SAMD12: variants seen among roughly 807,000 people sequenced by gnomAD.
SAMD12 encodes sterile alpha motif domain containing 12, also known as sterile alpha motif domain-containing protein 12.
SAMD12 carries 9 observed loss-of-function variants against 15.0 expected under a neutral mutation model. That is an observed-to-expected ratio of 0.60 (90% CI 0.36 to 1.05). The LOEUF is 1.05. Ranked by LOEUF, SAMD12 falls within the 50% of genes least tolerant of loss-of-function variation. The pLI is 0.01. For missense variants in SAMD12, 230 were observed against 234.2 expected, an observed-to-expected ratio of 0.98 and a Z score of 0.12; for synonymous variants, 86 against 90.1, an observed-to-expected ratio of 0.96 and a Z score of 0.25.
chr8:118,228,227 G>A (rs1812226868), intron 4 of SAMD12, among the ~76,000 whole-genome samples: 1 of 152,144 alleles, frequency 6.6e-6, no homozygotes, highest in African/African-American at 2.4e-5. Flanking sequence ...CTTGGGCAAG[G>A]ATTTCATGAC....
At chr8:118,180,529 T>G in the SAMD12 span, among the ~76,000 whole-genome samples, 1 of 147,182 alleles carries the variant, frequency 6.8e-6, no homozygotes, top group African/African-American at 2.4e-5. Flanking sequence ...GAGTGTTTCA[T>G]GCCTTTCTCT....
At chr8:118,165,656 T>C in the SAMD12 span, among the ~76,000 whole-genome samples, 1 of 89,632 alleles carries the variant, frequency 1.1e-5, no homozygotes, top group South Asian at 3.2e-4. Context: ...ATATAAAACA[T>C]AACAGGTGAT....
chr8:118,325,641 A>G (rs1033509235), intron 4 of SAMD12, among the ~76,000 whole-genome samples: 4 of 152,174 alleles, frequency 2.6e-5, no homozygotes, highest in African/African-American at 9.7e-5. Context: ...ATTATTAACT[A>G]TAGTTATGAT....
intron 2 of SAMD12, among the ~76,000 whole-genome samples, chr8:118,503,515 C>G (rs1225315041): frequency 6.6e-6 from 1 of 152,198 alleles, no homozygotes; most frequent in Non-Finnish European, 1.5e-5. Context: ...CTCTAGAAAA[C>G]TTCAAATGAG....
intron 4 of SAMD12, among the ~76,000 whole-genome samples, chr8:118,327,335 G>C (rs1290268983): frequency 6.6e-6 from 1 of 152,126 alleles, no homozygotes; most frequent in Non-Finnish European, 1.5e-5. Context: ...GGGATGCTCT[G>C]ATCTCCTCTT....
rs546311800 is a variant in SAMD12 at position 118,535,121 on chromosome 8, G to T, written c.192+45594C>A. Among the ~76,000 whole-genome samples, 9 of 152,266 alleles carry T rather than the reference G, an allele frequency of 5.9e-5. No homozygotes were observed. In the South Asian group the frequency reaches 1.7e-3, roughly 28 times the overall value. On this transcript the variant is annotated intron_variant, in intron 2 of 3. Coordinates refer to ENST00000314727, the MANE Select transcript of SAMD12 (RefSeq NM_207506.3). ...TCTTTGATGATGAGGTACAGATGGG[G>T]TTTTGGTGTGGATGTCCTTTCTGTT... is the stretch of plus-strand genomic sequence containing the variant.
the SAMD12 span, among the ~76,000 whole-genome samples, chr8:118,164,803 C>T: frequency 6.6e-6 from 1 of 151,396 alleles, no homozygotes; most frequent in Admixed American, 6.6e-5. Context: ...GAACCGTTGT[C>T]TCTCTCTGTA....
intron 2 of SAMD12, among the ~76,000 whole-genome samples, chr8:118,492,543 C>T (rs2131018330): frequency 6.6e-6 from 1 of 152,276 alleles, no homozygotes; most frequent in East Asian, 1.9e-4. Flanking sequence ...ATGCTATCTC[C>T]ATTTGCTGCC....
intron 1 of SAMD12, among the ~76,000 whole-genome samples, chr8:118,619,606 T>C (rs927329732): frequency 6.6e-6 from 1 of 152,288 alleles, no homozygotes; most frequent in African/African-American, 2.4e-5. Flanking sequence ...ATGAATATAT[T>C]TGCCATGCAA....
chr8:118,579,983 C>G (rs1482174768), intron 2 of SAMD12, among the ~76,000 whole-genome samples: 13 of 152,140 alleles, frequency 8.5e-5, no homozygotes, highest in Non-Finnish European at 1.5e-5. Context: ...CCCACAGAAT[C>G]CAAGTTTCTG....
chr8:118,321,458 A>G (rs1816279909), intron 4 of SAMD12, among the ~76,000 whole-genome samples: 1 of 151,768 alleles, frequency 6.6e-6, no homozygotes. Flanking sequence ...TCCTAAAAAT[A>G]CAAAAATTAG....
chr8:118,222,767 A>G (rs1377722273), intron 4 of SAMD12, among the ~76,000 whole-genome samples: 2 of 152,078 alleles, frequency 1.3e-5, no homozygotes, highest in Admixed American at 6.6e-5. Flanking sequence ...AGCCTCCCAA[A>G]GCGCTGGGAT....
chr8:118,502,181 G>C (rs2131043149), intron 2 of SAMD12, among the ~76,000 whole-genome samples: 1 of 152,154 alleles, frequency 6.6e-6, no homozygotes, highest in Non-Finnish European at 1.5e-5. Context: ...TTTATTAGGA[G>C]ACTATTTTAA....
At chr8:118,262,620 CA>C (rs1284028636) in intron 4 of SAMD12, among the ~76,000 whole-genome samples, 2 of 152,074 alleles carry the variant, frequency 1.3e-5, no homozygotes, top group Non-Finnish European at 2.9e-5. Flanking sequence ...GGAAAAGAAG[CA>C]GTTTACAATG....
intron 2 of SAMD12, among the ~76,000 whole-genome samples, chr8:118,556,441 A>G (rs1039761146): frequency 5.9e-5 from 9 of 152,236 alleles, no homozygotes. Flanking sequence ...ATGAATCACA[A>G]TATTTTAGAC....
At chr8:118,403,980 GT>G (rs936917942) in intron 3 of SAMD12, among the ~76,000 whole-genome samples, 5 of 151,940 alleles carry the variant, frequency 3.3e-5, no homozygotes, top group African/African-American at 1.2e-4. Context: ...TAGATTTTTG[GT>G]ACCTTTATTT....
intron 2 of SAMD12, among the ~76,000 whole-genome samples, chr8:118,560,399 C>A (rs1364655717): frequency 6.6e-6 from 1 of 152,122 alleles, no homozygotes; most frequent in Admixed American, 6.5e-5. Flanking sequence ...TCTGAGAGTA[C>A]GAATGACTTC....
chr8:118,348,408 T>C (rs1268394553), intron 4 of SAMD12, among the ~76,000 whole-genome samples: 2 of 151,482 alleles, frequency 1.3e-5, no homozygotes, highest in Non-Finnish European at 2.9e-5. Context: ...TATCGCTCTG[T>C]TGCCTAGGCT....
intron 2 of SAMD12, among the ~76,000 whole-genome samples, chr8:118,470,455 T>C (rs1465941397): frequency 6.6e-6 from 1 of 152,212 alleles, no homozygotes; most frequent in African/African-American, 2.4e-5. Context: ...AGACCTGCAG[T>C]TGAAAGACTC....
Sources: gnomAD v4.1 joint callset for allele counts (sites outside exome capture counted in the v4.1 genomes callset) on GRCh38, gnomAD v4.1.1 for gene constraint, MANE v1.5 for transcripts, NCBI Gene and HGNC (gene_info 2026-07-23, HGNC 2026-07-21) for gene names.